Variants in LRRC4B observed in about 807,000 individuals in gnomAD.
LRRC4B encodes leucine-rich repeat-containing protein 4B.
A neutral mutation model predicts 7.3 loss-of-function variants in LRRC4B; 1 was observed. The ratio of observed to expected loss-of-function variants is 0.14; its 90% CI spans 0.05 to 0.65. LRRC4B has a LOEUF of 0.65. Among genes scored for constraint, LRRC4B ranks in the 30% least tolerant of loss-of-function variants. The pLI, the probability that LRRC4B is intolerant of heterozygous loss-of-function variation, is 0.84. For synonymous variants in LRRC4B, 500 were observed against 499.2 expected (o/e 1.00, Z -0.02); for missense variants, 730 against 1,041.6 (o/e 0.70, Z 4.12).
chr19:50,562,582 T>C (rs959351657), intron 1 of LRRC4B, among the ~76,000 whole-genome samples: 1 of 152,140 alleles, frequency 6.6e-6, no homozygotes, highest in African/African-American at 2.4e-5. Flanking sequence ...CCTTCTGACC[T>C]TTGTTGTAGT....
intron 2 of LRRC4B, among the ~76,000 whole-genome samples, chr19:50,534,466 A>T (rs965429140): frequency 5.3e-5 from 8 of 151,748 alleles, no homozygotes; most frequent in Non-Finnish European, 1.2e-4. Flanking sequence ...GTCCTACAGT[A>T]GAGGACCTAG....
chr19:50,548,421 A>G lies in LRRC4B; in HGVS notation c.297+121T>C. ...GATAGGATGCAGACCCGCAGGCCAC[A>G]TCCACAGGTGCCGGAGACGGGGAAG... On this transcript the variant is annotated intron_variant, in intron 2 of 2. Coordinates refer to ENST00000652263, the MANE Select transcript of LRRC4B (RefSeq NM_001080457.2). This position sits in a 1 kb window ranked among gnomAD's most constrained non-coding sequence, Gnocchi z 6.8. 13 of 1,364,762 alleles carry G rather than the reference A, an allele frequency of 9.5e-6. No individual in the cohort carries two copies. In the South Asian group the frequency reaches 1.8e-4, roughly 18 times the overall value. The allele number at this position is 1,364,762 out of a possible 1,614,324, so 84.5% of individuals were successfully genotyped here. A position where few individuals can be genotyped will look rare whatever the true frequency, so the allele number is the denominator to read the frequency against.
At chr19:50,541,227 C>T (rs543252912) in intron 2 of LRRC4B, among the ~76,000 whole-genome samples, 2 of 142,016 alleles carry the variant, frequency 1.4e-5, no homozygotes, top group Non-Finnish European at 3.1e-5. Flanking sequence ...TAGCCGCTCA[C>T]AGTGGGGTGT....
chr19:50,531,145 T>C (rs1981041840), intron 2 of LRRC4B, among the ~76,000 whole-genome samples: 2 of 152,206 alleles, frequency 1.3e-5, no homozygotes, highest in South Asian at 4.1e-4. Flanking sequence ...GCCCCCTCCA[T>C]GCCCACCTCC....
chr19:50,548,454 G>C lies in LRRC4B; in HGVS notation c.297+88C>G. ...GTGCCGGAGACGGGGAAGCCCCGGT[G>C]TGGGGAGGCCCAGAAGGGATGGGCT... On this transcript the variant is annotated intron_variant, in intron 2 of 2. Coordinates refer to ENST00000652263, the MANE Select transcript of LRRC4B (RefSeq NM_001080457.2). The surrounding 1 kb of genome is among the most constrained non-coding windows in gnomAD (Gnocchi z 6.8). The C allele has an allele frequency of 6.7e-7, 1 of 1,496,860 alleles. No individual in the cohort carries two copies. The highest frequency in any genetic ancestry group is 9.0e-7 in the Non-Finnish European group (1 of 1,115,160). The allele number at this position is 1,496,860 out of a possible 1,614,324, so 92.7% of individuals were successfully genotyped here. A position where few individuals can be genotyped will look rare whatever the true frequency, so the allele number is the denominator to read the frequency against.
chr19:50,543,029 G>A (rs1336079068), intron 2 of LRRC4B, among the ~76,000 whole-genome samples: 8 of 152,142 alleles, frequency 5.3e-5, no homozygotes, highest in African/African-American at 1.2e-4. Flanking sequence ...CAGAGCTCAC[G>A]GGAGGGCGTC....
chr19:50,519,464 G>A lies in LRRC4B; in HGVS notation c.298-49C>T, dbSNP rs766980690. 2.0e-6 allele frequency: 3 copies of A among 1,487,220 alleles called. No individual in the cohort carries two copies. The highest frequency in any genetic ancestry group is 1.3e-5 in the South Asian group (1 of 75,508). 92.1% of individuals were successfully genotyped at this position (1,487,220 alleles called of 1,614,324 possible). ...AGTCACGGAGATACTGACGGGGACC[G>A]TGGGGGGATCACCAAGGTCCCGGGC... On this transcript the variant is annotated intron_variant, in intron 2 of 2. Transcript: ENST00000652263. The surrounding 1 kb of genome is among the most constrained non-coding windows in gnomAD (Gnocchi z 8.1).
intron 2 of LRRC4B, among the ~76,000 whole-genome samples, chr19:50,541,210 G>T (rs1237222187): frequency 6.9e-6 from 1 of 145,524 alleles, no homozygotes; most frequent in Admixed American, 6.9e-5. Context: ...GAAAAGAAAA[G>T]AAAAATTAGC....
intron 2 of LRRC4B, among the ~76,000 whole-genome samples, chr19:50,546,101 G>A (rs1416287254): frequency 1.3e-5 from 2 of 151,988 alleles, no homozygotes; most frequent in Non-Finnish European, 2.9e-5. Flanking sequence ...TTGGGAGGCC[G>A]AGGCGGGTGG....
At chr19:50,543,615 G>A (rs1458713033) in intron 2 of LRRC4B, among the ~76,000 whole-genome samples, 1 of 151,986 alleles carries the variant, frequency 6.6e-6, no homozygotes, top group Non-Finnish European at 1.5e-5. Flanking sequence ...ACTTTGGGAG[G>A]CCGAGGTGGG....
rs1980382182 is a variant in LRRC4B at position 50,518,183 on chromosome 19, C to T, written c.1530G>A (p.Glu510=). The T allele has an allele frequency of 6.2e-7, 1 of 1,607,688 alleles. No individual in the cohort carries two copies. Among genetic ancestry groups the T allele is most frequent in the Admixed American group, 1.7e-5 (1 of 59,844 alleles). ...GEEALQPRGT[E]KEPPGPTTDG... is the part of the protein sequence containing the mutation. ...CTGTCGTGGGCCCTGGCGGTTCCTT[C>T]TCCGTCCCCCGCGGCTGCAGGGCCT... The change falls in exon 3 of 3, where the codon GAG becomes GAA. Residue 510 remains glutamate (E), a synonymous_variant. Coordinates refer to ENST00000652263, the MANE Select transcript of LRRC4B (RefSeq NM_001080457.2).
rs529046630 is a variant in LRRC4B at position 50,564,884 on chromosome 19, C to T, written c.-36+3060G>A. 7.2e-5 allele frequency among the ~76,000 whole-genome samples: 11 copies of T among 152,126 alleles called. 1 individual carries two copies. Among genetic ancestry groups the T allele is most frequent in the East Asian group, 5.8e-4 (3 of 5,154 alleles). On this transcript the variant is annotated intron_variant, in intron 1 of 2. Coordinates refer to ENST00000652263, the MANE Select transcript of LRRC4B (RefSeq NM_001080457.2). ...TGAGGATTCAGCGGCCACCCCCGCC[C>T]CCAATCCCCAACCCACAGCACCTCT...
chr19:50,518,119 C>G lies in LRRC4B; in HGVS notation c.1594G>C (p.Gly532Arg), dbSNP rs929260284. The G allele has an allele frequency of 6.3e-7, 1 of 1,593,102 alleles. No homozygotes were observed. The change falls in exon 3 of 3, where the codon GGC becomes CGC. Residue 532 changes from glycine (G) to arginine (R), a missense_variant. Around this residue, in one of 6 missense-constraint regions of LRRC4B, gnomAD observed 192 missense variants for 228.6 expected, o/e 0.84. Transcript: ENST00000652263. ...GCCGTGGTAGAAGACGAGGCAGGGC[C>G]GGCCGCGTCCCCAGGCCGGCCCCCA... ...WGGGRPGDAA[G>R]PASSSTTAPA...
intron 2 of LRRC4B, among the ~76,000 whole-genome samples, chr19:50,532,339 T>C (rs370580639): frequency 1.3e-5 from 2 of 152,222 alleles, no homozygotes; most frequent in Admixed American, 1.3e-4. Context: ...GCTGTCAGAA[T>C]GACCGGAAAT....
At chr19:50,554,771 C>G (rs905545297) in intron 1 of LRRC4B, among the ~76,000 whole-genome samples, 8 of 152,336 alleles carry the variant, frequency 5.3e-5, no homozygotes, top group African/African-American at 1.7e-4. Flanking sequence ...TGCTATTACA[C>G]CCAGTTCCCA....
Position 50,555,915 on chromosome 19 carries a change from A to C in LRRC4B, c.-35-7042T>G, listed in dbSNP as rs1401372746. ...GGGGCAGAAGTGGAGCCTGGAGCCCAGAGGGTGGAGAGGGATTGAAGCCGG... is the reference window on the plus strand; with the variant it reads ...GGGGCAGAAGTGGAGCCTGGAGCCCCGAGGGTGGAGAGGGATTGAAGCCGG... On this transcript the variant is annotated intron_variant, in intron 1 of 2. Transcript: ENST00000652263. This position sits in a 1 kb window ranked among gnomAD's most constrained non-coding sequence, Gnocchi z 5.2. 1 of 152,280 alleles carries C rather than the reference A, an allele frequency of 6.6e-6. No individual in the cohort carries two copies. Among genetic ancestry groups the C allele is most frequent in the Non-Finnish European group, 1.5e-5 (1 of 68,130 alleles). The allele number at this position is 152,280 out of a possible 1,614,324, so 9.4% of individuals were successfully genotyped here. A position where few individuals can be genotyped will look rare whatever the true frequency, so the allele number is the denominator to read the frequency against.
Position 50,517,875 on chromosome 19 carries a change from C to T in LRRC4B, c.1838G>A (p.Arg613His). ...HQLHKHHGPT[R>H]TVEIINVEDE... is the part of the protein sequence containing the mutation. ...CTCCACGTTGATGATCTCCACGGTG[C>T]GCGTGGGCCCGTGGTGCTTGTGGAG... is the stretch of plus-strand genomic sequence containing the variant. Residue 613 changes from arginine to histidine, a missense_variant, in exon 3 of 3, where the codon CGC (arginine) becomes CAC (histidine). By Grantham distance (29) the Arg-to-His change is conservative. This residue lies in a region of LRRC4B where 160 missense variants were observed against 163.9 expected (regional missense o/e 0.98). Transcript: ENST00000652263. This position sits in a 1 kb window ranked among gnomAD's most constrained non-coding sequence, Gnocchi z 6.6. 6.3e-7 allele frequency: 1 copy of T among 1,595,096 alleles called. No individual in the cohort carries two copies. Among genetic ancestry groups the T allele is most frequent in the Non-Finnish European group, 8.5e-7 (1 of 1,173,946 alleles).
chr19:50,522,804 C>T (rs988094205), intron 2 of LRRC4B, among the ~76,000 whole-genome samples: 6 of 152,182 alleles, frequency 3.9e-5, no homozygotes, highest in African/African-American at 1.4e-4. Flanking sequence ...TTTATTGATC[C>T]CACTCGTGAC....
chr19:50,549,982 G>A (rs142129425), intron 1 of LRRC4B, among the ~76,000 whole-genome samples: 7 of 152,230 alleles, frequency 4.6e-5, no homozygotes, highest in Admixed American at 6.5e-5. Flanking sequence ...GTCCTGCCCC[G>A]CCATTTCCAT....
Sources: allele counts gnomAD v4.1 joint callset (sites outside exome capture counted in the v4.1 genomes callset), GRCh38; gene constraint gnomAD v4.1.1; regional missense constraint gnomAD v4.1.1; non-coding constraint Gnocchi (gnomAD v3.1); transcripts MANE v1.5; gene names NCBI Gene and HGNC (gene_info 2026-07-23, HGNC 2026-07-21).